The following LHX2 variants were observed in gnomAD, a reference collection of about 807,000 sequenced individuals.
The protein encoded by LHX2 is LIM homeobox 2.
A neutral mutation model predicts 33.0 loss-of-function variants in LHX2; 6 were observed. The ratio of observed to expected loss-of-function variants is 0.18; its 90% CI spans 0.10 to 0.36. The LOEUF (loss-of-function observed/expected upper bound fraction) is 0.36. Among genes scored for constraint, LHX2 ranks in the 10% least tolerant of loss-of-function variants. The probability of loss-of-function intolerance (pLI) is 1.00; values close to 1 mark genes in which losing one functional copy is unlikely to be tolerated. For missense variants in LHX2, 442 were observed against 586.2 expected, an observed-to-expected ratio of 0.75 and a Z score of 2.54; for synonymous variants, 292 against 253.1, an observed-to-expected ratio of 1.15 and a Z score of -1.46.
At chr9:124,019,396 C>T (rs546134599) in intron 3 of LHX2, among the ~76,000 whole-genome samples, 2 of 152,276 alleles carry the variant, frequency 1.3e-5, no homozygotes, top group East Asian at 3.9e-4. Context: ...AATGCAGCAT[C>T]CCCAGTTAAA....
intron 4 of LHX2, among the ~76,000 whole-genome samples, chr9:124,030,627 C>CTTTTTTTTTTT (rs35399092): frequency 2.8e-4 from 30 of 105,586 alleles, no homozygotes; most frequent in African/African-American, 3.6e-4. Context: ...TTTTTCTTTT[C>CTTTTTTTTTTT]TTTTTTTTTT....
At chr9:124,017,979 C>T (rs1331489439) in intron 3 of LHX2, among the ~76,000 whole-genome samples, 4 of 151,878 alleles carry the variant, frequency 2.6e-5, no homozygotes, top group African/African-American at 9.6e-5. Flanking sequence ...CCTGGGTTTG[C>T]GCGCCGCGGC....
At position 124,015,644 on chromosome 9, in the gene LHX2, C is replaced by A; in HGVS notation, c.727+119C>A. ...CAAATAGCGAGCCTTAAGCACCGGA[C>A]GGCCTCGCAGAAGGGACATTAGCCC... On this transcript the variant is annotated intron_variant, in intron 3 of 4. Coordinates refer to ENST00000373615, the MANE Select transcript of LHX2 (RefSeq NM_004789.4). This position sits in a 1 kb window ranked among gnomAD's most constrained non-coding sequence, Gnocchi z 7.9. 3.4e-6 allele frequency: 4 copies of A among 1,169,366 alleles called. No homozygotes were observed. The highest frequency in any genetic ancestry group is 3.5e-6 in the Non-Finnish European group (3 of 863,634). The allele number at this position is 1,169,366 out of a possible 1,614,324, so 72.4% of individuals were successfully genotyped here.
chr9:124,030,627 C>CTTTTTTTTTTTT (rs35399092), intron 4 of LHX2, among the ~76,000 whole-genome samples: 173 of 105,496 alleles, frequency 1.6e-3, no homozygotes, highest in Non-Finnish European at 2.0e-3. Flanking sequence ...TTTTTCTTTT[C>CTTTTTTTTTTTT]TTTTTTTTTT....
At chr9:124,026,432 G>C (rs1392035662) in intron 4 of LHX2, among the ~76,000 whole-genome samples, 1 of 149,838 alleles carries the variant, frequency 6.7e-6, no homozygotes, top group Non-Finnish European at 1.5e-5. Flanking sequence ...CTGTACTCCA[G>C]CCAGGGTGAC....
In LHX2 at chr9:124,030,821, T is replaced by C. The variant is rs1588353509; in HGVS notation, c.934-1599T>C. Among the ~76,000 whole-genome samples the C allele has an allele frequency of 2.0e-5, 3 of 151,830 alleles. 1 individual carries two copies. In the East Asian group the frequency reaches 5.8e-4, roughly 30 times the overall value. On this transcript the variant is annotated intron_variant, in intron 4 of 4. Transcript: ENST00000373615. ...TAATTTTTTATATTTTTAGTAGAGA[T>C]GGGGTTTCACCATGTTGGACAGGCT... is the stretch of plus-strand genomic sequence containing the variant.
rs528515442 is a variant in LHX2 at position 124,016,156 on chromosome 9, T to A, written c.727+631T>A. Among the ~76,000 whole-genome samples, 28 of 137,060 alleles carry A rather than the reference T, an allele frequency of 2.0e-4. 1 individual carries two copies. The South Asian group carries it at 6.3e-3, about 31-fold the overall frequency. The allele number at this position is 137,060 out of a possible 152,430, so 89.9% of individuals were successfully genotyped here. On this transcript the variant is annotated intron_variant, in intron 3 of 4. Transcript: ENST00000373615. The surrounding 1 kb of genome is among the most constrained non-coding windows in gnomAD (Gnocchi z 4.4). Reference sequence around the variant, plus strand: ...CCGAGTTTCCTGGCGCCTGCTGGGGTGAGGGCCGTGACCCTCGGAAGCGAG... The same window carrying A: ...CCGAGTTTCCTGGCGCCTGCTGGGGAGAGGGCCGTGACCCTCGGAAGCGAG...
chr9:124,011,945 C>G lies in LHX2; in HGVS notation c.-404C>G, dbSNP rs1458001201. The G allele has an allele frequency of 6.6e-6, 1 of 152,154 alleles. No individual in the cohort carries two copies. Among genetic ancestry groups the G allele is most frequent in the Non-Finnish European group, 1.5e-5 (1 of 68,034 alleles). The allele number at this position is 152,154 out of a possible 1,614,324, so 9.4% of individuals were successfully genotyped here. On this transcript the variant is annotated 5_prime_UTR_variant, in exon 1 of 5. Transcript: ENST00000373615. ...CTTCAGGGTGAACCCCGACCGCAGC[C>G]GTCGCCGCCTCGGGCAGAGTTTGCG...
At position 124,017,668 on chromosome 9, in the gene LHX2, C is replaced by T. The variant is rs74448817; in HGVS notation, c.727+2143C>T. Among the ~76,000 whole-genome samples, 1,025 of 152,304 alleles carry T rather than the reference C, an allele frequency of 6.7e-3. 15 individuals carry two copies. Among genetic ancestry groups the T allele is most frequent in the African/African-American group, 0.023 (970 of 41,558 alleles). On this transcript the variant is annotated intron_variant, in intron 3 of 4. Transcript: ENST00000373615. ...GCCACGACGACCCCTTGCAAAGCCTCTTGCTCTGGGGACAGTCCCTCCGAG... is the reference window on the plus strand; with the variant it reads ...GCCACGACGACCCCTTGCAAAGCCTTTTGCTCTGGGGACAGTCCCTCCGAG...
Position 124,015,566 on chromosome 9 carries a change from G to T in LHX2, c.727+41G>T, listed in dbSNP as rs1386122497. ...ACGAAGCGCCCCCATAGGGTTGGGG[G>T]AAAGTGTGCGGCCTCGACGGCCGGG... On this transcript the variant is annotated intron_variant, in intron 3 of 4. Transcript: ENST00000373615. The surrounding 1 kb of genome is among the most constrained non-coding windows in gnomAD (Gnocchi z 7.9). 1.4e-6 allele frequency: 2 copies of T among 1,444,810 alleles called. No individual in the cohort carries two copies. Among genetic ancestry groups the T allele is most frequent in the South Asian group, 1.5e-5 (1 of 67,288 alleles). 89.5% of individuals were successfully genotyped at this position (1,444,810 alleles called of 1,614,324 possible).
intron 3 of LHX2, among the ~76,000 whole-genome samples, chr9:124,019,763 T>G (rs1859258779): frequency 1.3e-5 from 2 of 152,224 alleles, no homozygotes; most frequent in African/African-American, 2.4e-5. Flanking sequence ...ACAAGATACC[T>G]TCTCAGTTCT....
chr9:124,020,638 C>T (rs948006346), intron 3 of LHX2, among the ~76,000 whole-genome samples: 1 of 152,096 alleles, frequency 6.6e-6, no homozygotes, highest in African/African-American at 2.4e-5. Flanking sequence ...CAAGTGACTT[C>T]CCTTGCTGAG....
Position 124,012,016 on chromosome 9 carries a change from G to C in LHX2, c.-333G>C, listed in dbSNP as rs1859095271. The stretch of plus-strand genomic sequence containing the variant: ...CGCTGAAGCCGGGCGGGCGATGCCC[G>C]CGGCGTGAAAGCGCCCGCGGCGGGC... On this transcript the variant is annotated 5_prime_UTR_variant, in exon 1 of 5. Transcript: ENST00000373615. The surrounding 1 kb of genome is among the most constrained non-coding windows in gnomAD (Gnocchi z 4.3). 6.5e-6 allele frequency: 1 copy of C among 153,428 alleles called. No individual in the cohort carries two copies. Among genetic ancestry groups the C allele is most frequent in the South Asian group, 2.1e-4 (1 of 4,838 alleles). 9.5% of individuals were successfully genotyped at this position (153,428 alleles called of 1,614,324 possible). A position where few individuals can be genotyped will look rare whatever the true frequency, so the allele number is the denominator to read the frequency against.
intron 4 of LHX2, among the ~76,000 whole-genome samples, chr9:124,025,176 C>T (rs907863315): frequency 4.6e-5 from 7 of 152,156 alleles, no homozygotes; most frequent in South Asian, 2.1e-4. Context: ...CTGTGGCTCA[C>T]GCCTGTAATC....
intron 3 of LHX2, among the ~76,000 whole-genome samples, chr9:124,017,196 T>C (rs945258389): frequency 2.4e-4 from 36 of 152,128 alleles, no homozygotes; most frequent in Non-Finnish European, 5.1e-4. Context: ...GGCCTCCCTC[T>C]CTCTTTTTTT....
chr9:124,030,525 T>G (rs2118783444), intron 4 of LHX2, among the ~76,000 whole-genome samples: 1 of 152,304 alleles, frequency 6.6e-6, no homozygotes, highest in South Asian at 2.1e-4. Flanking sequence ...CCTCCCAAAG[T>G]ACTTCGTGGA....
intron 4 of LHX2, among the ~76,000 whole-genome samples, chr9:124,027,570 G>A (rs145818092): frequency 6.6e-6 from 1 of 152,160 alleles, no homozygotes; most frequent in Non-Finnish European, 1.5e-5. Flanking sequence ...TGTAATCCCA[G>A]CACTTTGGGA....
intron 4 of LHX2, among the ~76,000 whole-genome samples, chr9:124,026,599 C>G (rs1381645135): frequency 6.6e-6 from 1 of 152,108 alleles, no homozygotes; most frequent in Admixed American, 6.6e-5. Context: ...ATTCTAAGCT[C>G]AAATAGGTTT....
chr9:124,029,757 C>A (rs1336653117), intron 4 of LHX2, among the ~76,000 whole-genome samples: 1 of 152,242 alleles, frequency 6.6e-6, no homozygotes, highest in African/African-American at 2.4e-5. Context: ...ACGCACAGAG[C>A]ACAGGCTGCT....
Sources: allele counts gnomAD v4.1 joint callset (sites outside exome capture counted in the v4.1 genomes callset), GRCh38; gene constraint gnomAD v4.1.1; non-coding constraint Gnocchi (gnomAD v3.1); transcripts MANE v1.5; gene names NCBI Gene and HGNC (gene_info 2026-07-23, HGNC 2026-07-21).